Variants in ANXA5 observed in about 807,000 individuals in gnomAD.
ANXA5 encodes the protein CBP-I.
A neutral mutation model predicts 48.1 loss-of-function variants in ANXA5; 40 were observed. That is an observed-to-expected ratio of 0.83 (90% confidence interval 0.65 to 1.08). ANXA5 has a LOEUF of 1.08. ANXA5 is among the 50% of genes least tolerant of loss of function. The pLI, the probability that ANXA5 is intolerant of heterozygous loss-of-function variation, is 0.00. For missense variants in ANXA5, 357 were observed against 376.8 expected (o/e 0.95, Z 0.44); for synonymous variants, 113 against 129.1 (o/e 0.88, Z 0.85).
chr4:121,692,433 G>C (rs1189365296), intron 2 of ANXA5, among the ~76,000 whole-genome samples: 2 of 152,192 alleles, frequency 1.3e-5, no homozygotes, highest in Non-Finnish European at 2.9e-5. Context: ...GTGATGTCTT[G>C]AGTGAGTTAA....
At chr4:121,695,648 T>A (rs1725066001) in intron 2 of ANXA5, among the ~76,000 whole-genome samples, 1 of 152,094 alleles carries the variant, frequency 6.6e-6, no homozygotes, top group South Asian at 2.1e-4. Flanking sequence ...CCAGGCGCAG[T>A]GGGATTACAG....
At chr4:121,694,323 C>A (rs1725041972) in intron 2 of ANXA5, among the ~76,000 whole-genome samples, 1 of 151,792 alleles carries the variant, frequency 6.6e-6, no homozygotes, top group Admixed American at 6.6e-5. Flanking sequence ...TTCTAATGAA[C>A]AATTACGTAG....
chr4:121,668,588 A>G, intron 12 of ANXA5, 61 bp from the exon 13 acceptor site: 1 of 1,468,652 alleles, frequency 6.8e-7, no homozygotes, highest in African/African-American at 1.4e-5. Flanking sequence ...AAATTTTAAA[A>G]CTAAATAACT....
rs751144981 is a variant in ANXA5 at position 121,668,507 on chromosome 4, A to G, written c.924T>C (p.Tyr308=). The change falls in exon 13 of 13, where the codon TAT becomes TAC. Residue 308 remains tyrosine (Y), a synonymous_variant. Transcript: ENST00000296511. ...SMIKGDTSGD[Y]KKALLLLCGE... The stretch of plus-strand genomic sequence containing the variant: ...CACAGAGCAGCAGAAGAGCTTTCTT[A>G]TAGTCCCCAGATGTATCTCCCTGAA... 6 of 1,613,502 alleles carry G rather than the reference A, an allele frequency of 3.7e-6. No individual in the cohort carries two copies. The Admixed American group carries it at 5.0e-5, about 13-fold the overall frequency.
At chr4:121,690,219 T>C (rs1257695290) in intron 2 of ANXA5, among the ~76,000 whole-genome samples, 1 of 152,128 alleles carries the variant, frequency 6.6e-6, no homozygotes, top group Admixed American at 6.5e-5. Flanking sequence ...GTCACCCAAA[T>C]GACCATCAAA....
intron 2 of ANXA5, among the ~76,000 whole-genome samples, chr4:121,689,194 C>T (rs1231703373): frequency 6.6e-6 from 1 of 152,196 alleles, no homozygotes; most frequent in Non-Finnish European, 1.5e-5. Flanking sequence ...TACAGCTTCT[C>T]TTTAATGAGA....
At chr4:121,686,023 T>C (rs55645543) in intron 3 of ANXA5, among the ~76,000 whole-genome samples, 7,114 of 75,416 alleles carry the variant, frequency 0.094, 202 homozygotes, top group South Asian at 0.32. Context: ...TTATGAAATT[T>C]TTTTGCTTTT....
intron 8 of ANXA5, among the ~76,000 whole-genome samples, chr4:121,676,172 T>C (rs1470351202): frequency 2.0e-5 from 3 of 152,154 alleles, no homozygotes; most frequent in African/African-American, 4.8e-5. Context: ...ACCTCAGTAC[T>C]GAACAAAGCC....
At chr4:121,675,328 A>G (rs1724679849) in intron 8 of ANXA5, among the ~76,000 whole-genome samples, 1 of 152,232 alleles carries the variant, frequency 6.6e-6, no homozygotes, top group African/African-American at 2.4e-5. Context: ...ACAAAAATGC[A>G]AAAGCTTATA....
intron 8 of ANXA5, 127 bp downstream of exon 8, chr4:121,677,767 T>A (rs1560825653): frequency 4.8e-5 from 40 of 834,558 alleles, no homozygotes; most frequent in Non-Finnish European, 3.7e-5. Flanking sequence ...TCTTATGCTA[T>A]GTAAATAACC....
intron 4 of ANXA5, among the ~76,000 whole-genome samples, chr4:121,684,033 C>T (rs1319246454): frequency 2.0e-5 from 3 of 151,674 alleles, no homozygotes; most frequent in Non-Finnish European, 1.5e-5. Flanking sequence ...CACAGTATTT[C>T]CTACCTATAA....
Position 121,668,279 on chromosome 4 carries a change from A to G in ANXA5, c.*189T>C. On this transcript the variant is annotated 3_prime_UTR_variant, in exon 13 of 13. Transcript: ENST00000296511. ...TACACTTTAGTACTACAGCAGTCAA[A>G]GAGATCTCCACTAGAGATCAGAAAG... 2 of 555,400 alleles carry G rather than the reference A, an allele frequency of 3.6e-6. No homozygotes were observed. The highest frequency in any genetic ancestry group is 6.4e-6 in the Non-Finnish European group (2 of 310,296). 34.4% of individuals were successfully genotyped at this position (555,400 alleles called of 1,614,324 possible).
rs77440993 is a variant in ANXA5 at position 121,687,303 on chromosome 4, A to C, written c.10-931T>G. ...TGACAGAGCGAGACTCTGTCTCACA[A>C]AAAAAAAAAAAAAAAAGTTAGTGAT... On this transcript the variant is annotated intron_variant, in intron 2 of 12. Coordinates refer to ENST00000296511, the MANE Select transcript of ANXA5 (RefSeq NM_001154.4). Among the ~76,000 whole-genome samples, 7 of 146,772 alleles carry C rather than the reference A, an allele frequency of 4.8e-5. No individual in the cohort carries two copies. The East Asian group carries it at 1.2e-3, about 25-fold the overall frequency.
Position 121,668,287 on chromosome 4 carries a change from C to G in ANXA5, c.*181G>C. ...AGTACTACAGCAGTCAAAGAGATCTCCACTAGAGATCAGAAAGAAGCACCA... is the reference window on the plus strand; with the variant it reads ...AGTACTACAGCAGTCAAAGAGATCTGCACTAGAGATCAGAAAGAAGCACCA... On this transcript the variant is annotated 3_prime_UTR_variant, in exon 13 of 13. Coordinates refer to ENST00000296511, the MANE Select transcript of ANXA5 (RefSeq NM_001154.4). The G allele has an allele frequency of 1.7e-6, 1 of 586,224 alleles. No individual in the cohort carries two copies. Among genetic ancestry groups the G allele is most frequent in the Non-Finnish European group, 3.1e-6 (1 of 327,278 alleles). 36.3% of individuals were successfully genotyped at this position (586,224 alleles called of 1,614,324 possible). A position where few individuals can be genotyped will look rare whatever the true frequency, so the allele number is the denominator to read the frequency against.
At chr4:121,681,585 A>G in intron 6 of ANXA5, 86 bp downstream of exon 6, 5 of 834,574 alleles carry the variant, frequency 6.0e-6, no homozygotes, top group Non-Finnish European at 9.9e-6. Flanking sequence ...CGTGCCTCCC[A>G]TACCTACAAA....
In ANXA5 at chr4:121,681,744, T is replaced by G; in HGVS notation, c.321A>C (p.Glu107Asp). ...AAGCAATAATTTCTGTCAGTACTTTTTCATTTGTTCCAGCTCCCTGTTTGG... is the reference window on the plus strand; with the variant it reads ...AAGCAATAATTTCTGTCAGTACTTTGTCATTTGTTCCAGCTCCCTGTTTGG... ...KHALKGAGTN[E>D]KVLTEIIASR... Residue 107 changes from glutamate to aspartate, a missense_variant, in exon 6 of 13, where the codon GAA becomes GAC. By Grantham distance (45) the Glu-to-Asp change is conservative. Transcript: ENST00000296511. 1 of 1,612,086 alleles carries G rather than the reference T, an allele frequency of 6.2e-7. No individual in the cohort carries two copies. Among genetic ancestry groups the G allele is most frequent in the South Asian group, 1.1e-5 (1 of 90,864 alleles).
At chr4:121,680,167 CTT>C (rs1423791246) in intron 6 of ANXA5, among the ~76,000 whole-genome samples, 1 of 152,118 alleles carries the variant, frequency 6.6e-6, no homozygotes, top group Non-Finnish European at 1.5e-5. Context: ...TTGTGCCTAG[CTT>C]ATTTCACTTT....
At chr4:121,673,706 T>C (rs1250927574) in intron 8 of ANXA5, among the ~76,000 whole-genome samples, 1 of 152,138 alleles carries the variant, frequency 6.6e-6, no homozygotes, top group Non-Finnish European at 1.5e-5. Context: ...ATTCTGGCCA[T>C]GTGAACATGC....
chr4:121,691,163 G>A (rs1017902290), intron 2 of ANXA5, among the ~76,000 whole-genome samples: 6 of 119,508 alleles, frequency 5.0e-5, no homozygotes, highest in Non-Finnish European at 9.6e-5. Context: ...AATGCCTTAC[G>A]AAGATAATTA....
Sources: allele counts gnomAD v4.1 joint callset (sites outside exome capture counted in the v4.1 genomes callset), GRCh38; gene constraint gnomAD v4.1.1; transcripts MANE v1.5; gene names NCBI Gene and HGNC (gene_info 2026-07-23, HGNC 2026-07-21).